The following GIGYF2 variants were observed in gnomAD, a reference collection of about 807,000 sequenced individuals.
The protein encoded by GIGYF2 is GRB10-interacting GYF protein 2.
A neutral mutation model predicts 208.1 loss-of-function variants in GIGYF2; 25 were observed. The ratio of observed to expected loss-of-function variants is 0.12; its 90% CI spans 0.09 to 0.17. The LOEUF is 0.17. Ranked by LOEUF, GIGYF2 falls within the 10% of genes least tolerant of loss-of-function variation. GIGYF2 has a pLI of 1.00. For missense variants in GIGYF2, 1,302 were observed against 1,579.4 expected, an observed-to-expected ratio of 0.82 and a Z score of 2.98; for synonymous variants, 534 against 543.8, an observed-to-expected ratio of 0.98 and a Z score of 0.25.
At chr2:232,784,553 G>T (rs986136860) in intron 8 of GIGYF2, among the ~76,000 whole-genome samples, 1 of 150,818 alleles carries the variant, frequency 6.6e-6, no homozygotes, top group African/African-American at 2.4e-5. Context: ...ACCGCGCCCG[G>T]CTAATTTTTT....
chr2:232,851,685 G>T (rs898867362), intron 28 of GIGYF2, among the ~76,000 whole-genome samples: 1 of 152,202 alleles, frequency 6.6e-6, no homozygotes, highest in Non-Finnish European at 1.5e-5. Context: ...CTCCCAAAGT[G>T]CTGGGATTAC....
At chr2:232,704,561 C>CA (rs1167422459) in intron 2 of GIGYF2, among the ~76,000 whole-genome samples, 1 of 152,070 alleles carries the variant, frequency 6.6e-6, no homozygotes, top group African/African-American at 2.4e-5. Flanking sequence ...TTCGCCACCA[C>CA]ACCCAGCTAA....
At chr2:232,728,688 C>T (rs894116646) in intron 2 of GIGYF2, among the ~76,000 whole-genome samples, 4 of 152,130 alleles carry the variant, frequency 2.6e-5, no homozygotes, top group African/African-American at 7.2e-5. Flanking sequence ...AATTTGTGGG[C>T]AGATGTTTTA....
At chr2:232,731,956 T>C (rs1416595133) in intron 2 of GIGYF2, among the ~76,000 whole-genome samples, 1 of 152,230 alleles carries the variant, frequency 6.6e-6, no homozygotes, top group Admixed American at 6.5e-5. Context: ...CTATTGCATG[T>C]ATGAAAATGA....
At chr2:232,816,011 A>G in intron 19 of GIGYF2, 1 of 418,472 alleles carries the variant, frequency 2.4e-6, no homozygotes, top group Non-Finnish European at 4.4e-6. Flanking sequence ...TATTCATGGT[A>G]TGAACATTTG....
chr2:232,768,920 G>C (rs1381981326), intron 8 of GIGYF2: 2 of 951,422 alleles, frequency 2.1e-6, no homozygotes, highest in South Asian at 3.5e-5. Flanking sequence ...TTGGTGCCAT[G>C]CCTTTCAGTG....
At chr2:232,704,473 C>T (rs756704763) in intron 2 of GIGYF2, among the ~76,000 whole-genome samples, 55 of 152,034 alleles carry the variant, frequency 3.6e-4, no homozygotes, top group Non-Finnish European at 2.6e-4. Context: ...GGCATGATGT[C>T]AGCTCACTGC....
intron 9 of GIGYF2, among the ~76,000 whole-genome samples, chr2:232,789,211 A>G (rs1207042145): frequency 1.3e-5 from 2 of 152,154 alleles, no homozygotes; most frequent in African/African-American, 2.4e-5. Context: ...TGAACTACTG[A>G]TAAGATAACA....
intron 8 of GIGYF2, chr2:232,768,041 G>T: frequency 1.4e-6 from 1 of 720,638 alleles, no homozygotes. Flanking sequence ...TGTATTGTTA[G>T]CTCAGCCATT....
intron 23 of GIGYF2, among the ~76,000 whole-genome samples, chr2:232,842,011 A>T (rs60726219): frequency 0.11 from 15,647 of 147,720 alleles, 1,051 homozygotes; most frequent in East Asian, 0.2. Flanking sequence ...TTAAAAAAAA[A>T]TTTTTTTTTT....
chr2:232,729,688 G>C, intron 2 of GIGYF2: 2 of 818,690 alleles, frequency 2.4e-6, no homozygotes, highest in Non-Finnish European at 4.2e-6. Context: ...ATGAGCCCCA[G>C]ACTAAGCCAT....
At chr2:232,784,536 G>A (rs1250946534) in intron 8 of GIGYF2, among the ~76,000 whole-genome samples, 6 of 151,074 alleles carry the variant, frequency 4.0e-5, no homozygotes, top group South Asian at 2.1e-4. Flanking sequence ...GACTACAGGC[G>A]CCCGCCACCG....
In GIGYF2 at chr2:232,817,009, G is replaced by A; in HGVS notation, c.2347G>A (p.Glu783Lys). The change falls in exon 20 of 29, where the codon GAA becomes AAA. Residue 783 changes from glutamate (E) to lysine (K), a missense_variant. Physicochemically the swap from Glu to Lys is moderately conservative, Grantham distance 56. Coordinates refer to ENST00000373563, the MANE Select transcript of GIGYF2 (RefSeq NM_001103146.3). Reference sequence around the variant, plus strand: ...AGAAGAAAGGAAAAGGCGAGAGGAAGAAGAACTTGCCCGAAGGAAACAGGT... The same window carrying A: ...AGAAGAAAGGAAAAGGCGAGAGGAAAAAGAACTTGCCCGAAGGAAACAGGT... ...QEEERKRREE[E>K]ELARRKQEEA... 6.2e-7 allele frequency: 1 copy of A among 1,613,696 alleles called. No homozygotes were observed. The highest frequency in any genetic ancestry group is 8.5e-7 in the Non-Finnish European group (1 of 1,179,576).
chr2:232,721,463 G>T (rs1696939785), intron 2 of GIGYF2, among the ~76,000 whole-genome samples: 1 of 152,176 alleles, frequency 6.6e-6, no homozygotes, highest in South Asian at 2.1e-4. Flanking sequence ...AGCCCTCTGA[G>T]GTTAGCAGTA....
intron 14 of GIGYF2, among the ~76,000 whole-genome samples, chr2:232,801,113 T>G (rs894305914): frequency 5.3e-5 from 8 of 152,350 alleles, no homozygotes; most frequent in East Asian, 1.9e-4. Flanking sequence ...AGGCTGGTTT[T>G]GAACTCCTGG....
chr2:232,724,855 A>G (rs1285799760), intron 2 of GIGYF2, among the ~76,000 whole-genome samples: 4 of 152,200 alleles, frequency 2.6e-5, no homozygotes, highest in Non-Finnish European at 5.9e-5. Flanking sequence ...ACCTGGCCTA[A>G]TATTTGAAAC....
chr2:232,747,812 T>C (rs917651458), intron 4 of GIGYF2, 68 bp downstream of exon 4: 22 of 1,423,770 alleles, frequency 1.5e-5, no homozygotes, highest in Admixed American at 1.3e-4. Flanking sequence ...GATGTACTGA[T>C]ACATGAAAAC....
At chr2:232,811,081 T>C (rs1559449510) in intron 16 of GIGYF2, 163 bp from the exon 17 acceptor site, 2 of 593,090 alleles carry the variant, frequency 3.4e-6, no homozygotes, top group Non-Finnish European at 6.0e-6. Context: ...CATAGAATTT[T>C]CTATGTGTCT....
At chr2:232,830,524 C>T (rs1241180264) in intron 21 of GIGYF2, among the ~76,000 whole-genome samples, 1 of 152,140 alleles carries the variant, frequency 6.6e-6, no homozygotes, top group Non-Finnish European at 1.5e-5. Context: ...CATATTTCCC[C>T]TTGCACACAG....
Sources: gnomAD v4.1 joint callset for allele counts (sites outside exome capture counted in the v4.1 genomes callset) on GRCh38, gnomAD v4.1.1 for gene constraint, MANE v1.5 for transcripts, NCBI Gene and HGNC (gene_info 2026-07-23, HGNC 2026-07-21) for gene names.